Variants in ADAMTS3 observed in about 807,000 individuals in gnomAD.
The protein encoded by ADAMTS3 is ADAM metallopeptidase with thrombospondin type 1 motif 3, also known as A disintegrin and metalloproteinase with thrombospondin motifs 3.
In ADAMTS3, 73 loss-of-function variants were observed where a neutral mutation model predicts 129.0. The ratio of observed to expected loss-of-function variants is 0.57; its 90% CI spans 0.47 to 0.69. The LOEUF (loss-of-function observed/expected upper bound fraction) is 0.69. Among genes scored for constraint, ADAMTS3 ranks in the 30% least tolerant of loss-of-function variants. The pLI is 0.00. For synonymous variants in ADAMTS3, 477 were observed against 510.8 expected (o/e 0.93, Z 0.89); for missense variants, 1,457 against 1,514.5 (o/e 0.96, Z 0.63).
intron 3 of ADAMTS3, among the ~76,000 whole-genome samples, chr4:72,499,636 T>TG (rs1719958420): frequency 6.6e-6 from 1 of 152,164 alleles, no homozygotes; most frequent in African/African-American, 2.4e-5. Flanking sequence ...AATTTCAACT[T>TG]TTATTTTAGA....
chr4:72,360,575 A>C (rs1460599718), intron 4 of ADAMTS3, among the ~76,000 whole-genome samples: 2 of 152,018 alleles, frequency 1.3e-5, no homozygotes, highest in Non-Finnish European at 2.9e-5. Context: ...ATGAACATAT[A>C]TTACCAAAGA....
chr4:72,522,273 A>C (rs534047359), intron 3 of ADAMTS3, among the ~76,000 whole-genome samples: 1 of 151,450 alleles, frequency 6.6e-6, no homozygotes, highest in East Asian at 1.9e-4. Flanking sequence ...CTCAATATTC[A>C]CAACAAGATC....
intron 3 of ADAMTS3, among the ~76,000 whole-genome samples, chr4:72,534,843 T>C (rs1019826976): frequency 6.6e-6 from 1 of 152,112 alleles, no homozygotes; most frequent in South Asian, 2.1e-4. Flanking sequence ...TTTCTGAAAA[T>C]TTTAGATCAA....
At chr4:72,493,085 C>T (rs527599802) in intron 3 of ADAMTS3, among the ~76,000 whole-genome samples, 1 of 152,054 alleles carries the variant, frequency 6.6e-6, no homozygotes, top group African/African-American at 2.4e-5. Context: ...TACATCCCTT[C>T]ACTTTTAGCC....
chr4:72,435,628 A>G (rs1722802457), intron 3 of ADAMTS3, among the ~76,000 whole-genome samples: 1 of 151,946 alleles, frequency 6.6e-6, no homozygotes, highest in Non-Finnish European at 1.5e-5. Flanking sequence ...AAGACAGTAC[A>G]TGGCACATAA....
intron 3 of ADAMTS3, among the ~76,000 whole-genome samples, chr4:72,494,950 T>C (rs1719838858): frequency 6.6e-6 from 1 of 152,192 alleles, no homozygotes; most frequent in Admixed American, 6.5e-5. Flanking sequence ...GTGTCCTTAA[T>C]GGAAAAGGTT....
intron 3 of ADAMTS3, among the ~76,000 whole-genome samples, chr4:72,511,362 T>C (rs1299396942): frequency 2.0e-5 from 3 of 152,110 alleles, no homozygotes; most frequent in Non-Finnish European, 2.9e-5. Flanking sequence ...AAACTGCCCA[T>C]CTGACAAGAG....
intron 4 of ADAMTS3, among the ~76,000 whole-genome samples, chr4:72,385,790 A>C (rs1286957787): frequency 6.6e-6 from 1 of 152,132 alleles, no homozygotes; most frequent in Non-Finnish European, 1.5e-5. Context: ...TCTACCCTAA[A>C]CCTCAGCATC....
At chr4:72,402,736 C>T (rs1479539732) in intron 4 of ADAMTS3, among the ~76,000 whole-genome samples, 1 of 152,050 alleles carries the variant, frequency 6.6e-6, no homozygotes, top group Non-Finnish European at 1.5e-5. Context: ...ATTCAAATGT[C>T]GGAATCTGTT....
At chr4:72,536,836 C>T (rs1182004113) in intron 3 of ADAMTS3, among the ~76,000 whole-genome samples, 3 of 152,154 alleles carry the variant, frequency 2.0e-5, no homozygotes, top group African/African-American at 7.2e-5. Flanking sequence ...TATCATAACT[C>T]AGAATAATTT....
intron 4 of ADAMTS3, among the ~76,000 whole-genome samples, chr4:72,351,944 T>C (rs1360493836): frequency 6.6e-6 from 1 of 151,962 alleles, no homozygotes; most frequent in Non-Finnish European, 1.5e-5. Flanking sequence ...TTAGCGTTCA[T>C]TGTTGGCAAT....
chr4:72,383,166 G>A (rs956020550), intron 4 of ADAMTS3, among the ~76,000 whole-genome samples: 57 of 150,500 alleles, frequency 3.8e-4, no homozygotes, highest in Admixed American at 2.0e-4. Flanking sequence ...CAAAATAAAT[G>A]ACAGCAGTTC....
chr4:72,352,024 T>C (rs1291267131), intron 4 of ADAMTS3, among the ~76,000 whole-genome samples: 2 of 151,972 alleles, frequency 1.3e-5, no homozygotes, highest in Non-Finnish European at 2.9e-5. Flanking sequence ...CATCTTGTGA[T>C]AAGGAAAGTG....
intron 2 of ADAMTS3, among the ~76,000 whole-genome samples, chr4:72,550,510 A>G (rs1034150834): frequency 6.6e-6 from 1 of 152,180 alleles, no homozygotes; most frequent in African/African-American, 2.4e-5. Context: ...ATCCCATTTT[A>G]CTAAATGAAT....
chr4:72,345,709 C>T (rs778668694), intron 4 of ADAMTS3, among the ~76,000 whole-genome samples: 5 of 152,216 alleles, frequency 3.3e-5, no homozygotes, highest in Non-Finnish European at 4.4e-5. Context: ...CTAATTCTAA[C>T]ATCCGTGTGT....
At chr4:72,393,019 A>G (rs1013044164) in intron 4 of ADAMTS3, among the ~76,000 whole-genome samples, 2 of 149,158 alleles carry the variant, frequency 1.3e-5, no homozygotes, top group Non-Finnish European at 3.0e-5. Context: ...TCTGCCTCCC[A>G]GGTTCAAATG....
At chr4:72,474,413 G>T (rs1719168514) in intron 3 of ADAMTS3, among the ~76,000 whole-genome samples, 1 of 151,994 alleles carries the variant, frequency 6.6e-6, no homozygotes, top group Non-Finnish European at 1.5e-5. Flanking sequence ...TGGTAACCCA[G>T]ACACAAAGCT....
chr4:72,334,732 C>A (rs1266717175), intron 5 of ADAMTS3, among the ~76,000 whole-genome samples: 5 of 152,100 alleles, frequency 3.3e-5, no homozygotes, highest in Admixed American at 3.3e-4. Context: ...AACCATGTTA[C>A]AAGTTAGTAA....
intron 3 of ADAMTS3, among the ~76,000 whole-genome samples, chr4:72,426,156 C>T (rs986328959): frequency 6.6e-6 from 1 of 152,118 alleles, no homozygotes; most frequent in African/African-American, 2.4e-5. Context: ...CTGTTCATAT[C>T]CTTCACCCAC....
Sources: allele counts gnomAD v4.1 joint callset (sites outside exome capture counted in the v4.1 genomes callset), GRCh38; gene constraint gnomAD v4.1.1; transcripts MANE v1.5; gene names NCBI Gene and HGNC (gene_info 2026-07-23, HGNC 2026-07-21).